GLT6D1: variants seen among roughly 807,000 people sequenced by gnomAD.
GLT6D1 encodes putative glycosyltransferase 6 domain-containing protein 1.
In GLT6D1, 9 loss-of-function variants were observed where a neutral mutation model predicts 12.3. The ratio of observed to expected loss-of-function variants is 0.73; its 90% CI spans 0.44 to 1.27. The LOEUF is 1.27. GLT6D1 is among the 50% of genes most tolerant of loss of function. The probability of loss-of-function intolerance (pLI) is 0.00; values close to 1 mark genes in which losing one functional copy is unlikely to be tolerated. For missense variants in GLT6D1, 335 were observed against 346.2 expected (o/e 0.97, Z 0.26); for synonymous variants, 128 against 132.3 (o/e 0.97, Z 0.23).
chr9:135,623,916 C>G lies in GLT6D1; in HGVS notation c.*181G>C. 1.9e-6 allele frequency: 1 copy of G among 521,476 alleles called. No homozygotes were observed. The allele number at this position is 521,476 out of a possible 1,614,324, so 32.3% of individuals were successfully genotyped here. A position where few individuals can be genotyped will look rare whatever the true frequency, so the allele number is the denominator to read the frequency against. ...GGGAAGGATGTAAATTTGTATGTCT[C>G]TAAAAAATGGAAGGTCTTAAGACTT... On this transcript the variant is annotated 3_prime_UTR_variant, in exon 5 of 5. Coordinates refer to ENST00000371763, the MANE Select transcript of GLT6D1 (RefSeq NM_182974.3).
At position 135,631,486 on chromosome 9, in the gene GLT6D1, C is replaced by A. The variant is rs1333234; in HGVS notation, c.72-8G>T. 1,179,662 of 1,598,256 alleles carry A rather than the reference C, an allele frequency of 0.74. 437,954 individuals carry two copies. The highest frequency in any genetic ancestry group is 0.95 in the East Asian group (42,440 of 44,796). On this transcript the variant is annotated splice_polypyrimidine_tract_variant and splice_region_variant and intron_variant, in intron 2 of 4. Transcript: ENST00000371763. ...TCTTCTACTTGGTGATTCCTGGATACAAAGAGAAAATCAAGTGATTGCAAG... is the reference window on the plus strand; with the variant it reads ...TCTTCTACTTGGTGATTCCTGGATAAAAAGAGAAAATCAAGTGATTGCAAG...
At chr9:135,636,849 C>A (rs1833786112) in intron 2 of GLT6D1, among the ~76,000 whole-genome samples, 1 of 151,938 alleles carries the variant, frequency 6.6e-6, no homozygotes, top group South Asian at 2.1e-4. Flanking sequence ...TAGCTGATTT[C>A]TTTTTTTTCT....
intron 2 of GLT6D1, among the ~76,000 whole-genome samples, chr9:135,636,302 T>G (rs4431660): frequency 0.28 from 42,595 of 152,082 alleles, 6,350 homozygotes; most frequent in East Asian, 0.43. Flanking sequence ...TGTGGTGAGT[T>G]GAGATCGCTC....
chr9:135,639,236 A>T (rs948263107), intron 1 of GLT6D1, 43 bp from the exon 2 acceptor site: 12 of 1,137,922 alleles, frequency 1.1e-5, no homozygotes, highest in Non-Finnish European at 1.6e-5. Context: ...AGCAATAAAA[A>T]ATGACATATT....
At chr9:135,633,376 A>T (rs757560094) in intron 2 of GLT6D1, among the ~76,000 whole-genome samples, 39 of 152,082 alleles carry the variant, frequency 2.6e-4, no homozygotes, top group Admixed American at 3.9e-4. Context: ...CAGCCTCCTG[A>T]GTAGCCCAGA....
chr9:135,636,277 C>A (rs1833770268), intron 2 of GLT6D1, among the ~76,000 whole-genome samples: 1 of 152,188 alleles, frequency 6.6e-6, no homozygotes, highest in Admixed American at 6.5e-5. Flanking sequence ...TCGCTTGAAC[C>A]AAGGAGGCAG....
In GLT6D1 at chr9:135,624,006, A is replaced by C. The variant is rs1169284803; in HGVS notation, c.*91T>G. 3 of 795,922 alleles carry C rather than the reference A, an allele frequency of 3.8e-6. No individual in the cohort carries two copies. The African/African-American group carries it at 5.2e-5, about 14-fold the overall frequency. The allele number at this position is 795,922 out of a possible 1,614,324, so 49.3% of individuals were successfully genotyped here. On this transcript the variant is annotated 3_prime_UTR_variant, in exon 5 of 5. Coordinates refer to ENST00000371763, the MANE Select transcript of GLT6D1 (RefSeq NM_182974.3). ...CATAAACCTCATGGCGTAATTCATA[A>C]TTTCCTCTGGGAATCATGTGCGACC...
At chr9:135,634,225 T>C (rs943831987) in intron 2 of GLT6D1, among the ~76,000 whole-genome samples, 15 of 152,092 alleles carry the variant, frequency 9.9e-5, no homozygotes, top group African/African-American at 3.6e-4. Flanking sequence ...GCCTCCCAGA[T>C]TCAAGCTATT....
intron 2 of GLT6D1, among the ~76,000 whole-genome samples, chr9:135,634,442 C>CTTTTTTTTTT (rs370291630): frequency 1.1e-3 from 60 of 54,812 alleles, no homozygotes; most frequent in South Asian, 1.6e-3. Context: ...TTTTCCTTTC[C>CTTTTTTTTTT]TTTTTTTTTT....
At chr9:135,634,442 C>CTTTTTTTTTTTT (rs370291630) in intron 2 of GLT6D1, among the ~76,000 whole-genome samples, 5 of 54,834 alleles carry the variant, frequency 9.1e-5, no homozygotes, top group African/African-American at 4.1e-4. Flanking sequence ...TTTTCCTTTC[C>CTTTTTTTTTTTT]TTTTTTTTTT....
In GLT6D1 at chr9:135,624,204, A is replaced by G; in HGVS notation, c.724T>C (p.Phe242Leu). 6.2e-7 allele frequency: 1 copy of G among 1,611,648 alleles called. No homozygotes were observed. The highest frequency in any genetic ancestry group is 2.2e-5 in the East Asian group (1 of 44,878). ...VGGTPHNILD[F>L]IKEYLNGVIH... ...ACTCCGTTCAGATATTCTTTGATGA[A>G]GTCTAAAATATTATGGGGTGTGCCA... is the stretch of plus-strand genomic sequence containing the variant. The change falls in exon 5 of 5, where the codon TTC becomes CTC. Residue 242 changes from phenylalanine (F) to leucine (L), a missense_variant. Coordinates refer to ENST00000371763, the MANE Select transcript of GLT6D1 (RefSeq NM_182974.3).
Position 135,624,539 on chromosome 9 carries a change from C to T in GLT6D1, c.389G>A (p.Arg130Gln), listed in dbSNP as rs138281407. ...KLPDIEPSPL[R>Q]TFKAFKVGTE... ...GCCCACTTTAAATGCTTTGAACGTT[C>T]GAAGAGGACTGGGCTCTATGTCAGG... Residue 130 changes from arginine (R) to glutamine (Q), a missense_variant, in exon 5 of 5, where the codon CGA (arginine) becomes CAA (glutamine). By Grantham distance (43) the Arg-to-Gln change is conservative. Coordinates refer to ENST00000371763, the MANE Select transcript of GLT6D1 (RefSeq NM_182974.3). 2.0e-4 allele frequency: 320 copies of T among 1,613,768 alleles called. No homozygotes were observed. The highest frequency in any genetic ancestry group is 8.3e-4 in the African/African-American group (62 of 74,856).
intron 3 of GLT6D1, among the ~76,000 whole-genome samples, chr9:135,628,676 T>G (rs1833571572): frequency 6.6e-6 from 1 of 152,138 alleles, no homozygotes; most frequent in African/African-American, 2.4e-5. Flanking sequence ...CTTTAGCATT[T>G]GACATAGTTT....
chr9:135,640,718 T>A (rs913941564), upstream of GLT6D1, among the ~76,000 whole-genome samples: 4 of 139,414 alleles, frequency 2.9e-5, no homozygotes, highest in Admixed American at 2.2e-4. Flanking sequence ...AGACTCCATC[T>A]AAAAAAAAAA....
chr9:135,627,548 A>AT (rs1833550016), intron 3 of GLT6D1, among the ~76,000 whole-genome samples: 2 of 152,130 alleles, frequency 1.3e-5, no homozygotes, highest in African/African-American at 4.8e-5. Flanking sequence ...GCTAGACCAC[A>AT]TTTTGTTTAT....
intron 3 of GLT6D1, among the ~76,000 whole-genome samples, chr9:135,630,477 C>T (rs930562552): frequency 6.6e-6 from 1 of 151,196 alleles, no homozygotes; most frequent in African/African-American, 2.4e-5. Context: ...AAAAGATACT[C>T]GGGAGGCCGA....
At position 135,624,389 on chromosome 9, in the gene GLT6D1, T is replaced by C; in HGVS notation, c.539A>G (p.Asn180Ser). The C allele has an allele frequency of 6.2e-7, 1 of 1,614,196 alleles. No individual in the cohort carries two copies. The highest frequency in any genetic ancestry group is 8.5e-7 in the Non-Finnish European group (1 of 1,180,036). The change falls in exon 5 of 5, where the codon AAT becomes AGT. Residue 180 changes from asparagine (N) to serine (S), a missense_variant. Transcript: ENST00000371763. Reference protein sequence around the residue: ...FSMAANQVFQNEFGVETLGPL... With the variant: ...FSMAANQVFQSEFGVETLGPL... ...GCCCAGGGTCTCCACCCCGAACTCA[T>C]TCTGGAAGACCTGGTTGGCAGCCAT...
chr9:135,626,108 C>G lies in GLT6D1; in HGVS notation c.218G>C (p.Arg73Pro), dbSNP rs756944725. 1 of 1,614,038 alleles carries G rather than the reference C, an allele frequency of 6.2e-7. No individual in the cohort carries two copies. The highest frequency in any genetic ancestry group is 8.5e-7 in the Non-Finnish European group (1 of 1,180,020). The change falls in exon 4 of 5, where the codon CGG becomes CCG. Residue 73 changes from arginine (R) to proline (P), a missense_variant. Transcript: ENST00000371763. Reference sequence around the variant, plus strand: ...GACGGCCAGGCCCACAGTGATATTCCGCCTTCTGTAATGTTTTTCCAGGAC... The same window carrying G: ...GACGGCCAGGCCCACAGTGATATTCGGCCTTCTGTAATGTTTTTCCAGGAC... ...RRVLEKHYRR[R>P]NITVGLAVFA...
rs1284975527 is a variant in GLT6D1, at chr9:135,624,677, AAC to A, written c.258-9_258-8del. 7 of 1,501,958 alleles carry A rather than the reference AAC, an allele frequency of 4.7e-6. No homozygotes were observed. Among genetic ancestry groups the A allele is most frequent in the Non-Finnish European group, 6.2e-6 (7 of 1,122,688 alleles). 93.0% of individuals were successfully genotyped at this position (1,501,958 alleles called of 1,614,324 possible). A position where few individuals can be genotyped will look rare whatever the true frequency, so the allele number is the denominator to read the frequency against. On this transcript the variant is annotated splice_region_variant and splice_polypyrimidine_tract_variant and intron_variant, in intron 4 of 4. Coordinates refer to ENST00000371763, the MANE Select transcript of GLT6D1 (RefSeq NM_182974.3). ...CAGGTACTCCTCTGCAAACCTAGGA[AAC>A]ACACAGTGGGGAAGAAACTTACTTT...
Sources: gnomAD v4.1 joint callset for allele counts (sites outside exome capture counted in the v4.1 genomes callset) on GRCh38, gnomAD v4.1.1 for gene constraint, MANE v1.5 for transcripts, NCBI Gene and HGNC (gene_info 2026-07-23, HGNC 2026-07-21) for gene names.